The following TRAPPC9 variants were observed in gnomAD, a reference collection of about 807,000 sequenced individuals.
TRAPPC9 encodes the protein IKK2 binding protein.
TRAPPC9 carries 83 observed loss-of-function variants against 124.0 expected under a neutral mutation model. The ratio of observed to expected loss-of-function variants is 0.67; its 90% CI spans 0.56 to 0.80. The LOEUF is 0.80. Among genes scored for constraint, TRAPPC9 ranks in the 30% least tolerant of loss-of-function variants. The pLI is 0.00. For missense variants in TRAPPC9, 1,302 were observed against 1,508.3 expected (o/e 0.86, Z 2.27); for synonymous variants, 638 against 617.5 (o/e 1.03, Z -0.49).
intron 21 of TRAPPC9, among the ~76,000 whole-genome samples, chr8:139,868,308 A>G (rs527996056): frequency 1.3e-5 from 2 of 152,308 alleles, no homozygotes; most frequent in East Asian, 3.9e-4. Flanking sequence ...GTGAGCCAAG[A>G]TTGCGCCACT....
chr8:140,113,370 G>A (rs2060818375), intron 17 of TRAPPC9, among the ~76,000 whole-genome samples: 1 of 152,246 alleles, frequency 6.6e-6, no homozygotes, highest in Non-Finnish European at 1.5e-5. Flanking sequence ...TCCAGAAGCA[G>A]GCAGCACACA....
intron 9 of TRAPPC9, among the ~76,000 whole-genome samples, chr8:140,345,948 C>T (rs559993218): frequency 2.0e-5 from 3 of 152,226 alleles, no homozygotes; most frequent in South Asian, 2.1e-4. Context: ...CCGGGGAGAC[C>T]GAGAGACAGC....
chr8:139,808,993 T>C (rs1165923477), intron 21 of TRAPPC9, among the ~76,000 whole-genome samples: 1 of 152,242 alleles, frequency 6.6e-6, no homozygotes. Context: ...GGAGTGGATG[T>C]GCCTGACTCC....
intron 21 of TRAPPC9, chr8:139,881,032 T>C (rs1829647685): frequency 6.6e-6 from 1 of 152,254 alleles, no homozygotes; most frequent in Admixed American, 6.5e-5. Flanking sequence ...TATATTCGCA[T>C]TATTTGCCAA....
intron 17 of TRAPPC9, among the ~76,000 whole-genome samples, chr8:140,146,483 T>C (rs1400512957): frequency 6.6e-6 from 1 of 152,230 alleles, no homozygotes. Flanking sequence ...GGGAGGGTGG[T>C]ATATGCATGT....
At chr8:140,082,828 A>T (rs1843919724) in intron 17 of TRAPPC9, among the ~76,000 whole-genome samples, 1 of 152,172 alleles carries the variant, frequency 6.6e-6, no homozygotes, top group South Asian at 2.1e-4. Flanking sequence ...GCATCCTCAA[A>T]CTCAGCTGGT....
chr8:140,033,660 T>G (rs907162879), intron 17 of TRAPPC9, among the ~76,000 whole-genome samples: 491 of 21,684 alleles, frequency 0.023, 3 homozygotes, highest in African/African-American at 0.16. Flanking sequence ...ATAATGTGGT[T>G]TTTTTTTTTT....
At chr8:139,799,445 G>A (rs1415930905) in intron 21 of TRAPPC9, among the ~76,000 whole-genome samples, 1 of 152,204 alleles carries the variant, frequency 6.6e-6, no homozygotes, top group African/African-American at 2.4e-5. Context: ...GGATAACCCT[G>A]TAGACACATG....
intron 17 of TRAPPC9, among the ~76,000 whole-genome samples, chr8:140,138,072 G>A (rs1048416390): frequency 2.0e-5 from 3 of 152,194 alleles, no homozygotes; most frequent in Non-Finnish European, 1.5e-5. Context: ...AGGCAGAGAT[G>A]GGTGAATCAC....
At position 140,360,192 on chromosome 8, in the gene TRAPPC9, G is replaced by T. The variant is rs145333904; in HGVS notation, c.1353C>A (p.Gly451=). ...LSLDPKDFSR[G]THRGWAAVQM... is the part of the protein sequence containing the mutation. ...GGACCGCAGCCCAGCCTCTGTGCGT[G>T]CCTGCGATGGAAGTTACAAAACATC... The change falls in exon 9 of 23, where the codon GGC becomes GGA. Residue 451 remains glycine, a splice_region_variant and synonymous_variant. Coordinates refer to ENST00000438773, the MANE Select transcript of TRAPPC9 (RefSeq NM_001160372.4). The T allele has an allele frequency of 2.5e-6, 4 of 1,614,052 alleles. No homozygotes were observed. Among genetic ancestry groups the T allele is most frequent in the Non-Finnish European group, 3.4e-6 (4 of 1,180,024 alleles).
intron 19 of TRAPPC9, among the ~76,000 whole-genome samples, chr8:139,924,858 A>G (rs559719528): frequency 6.6e-6 from 1 of 152,312 alleles, no homozygotes; most frequent in Non-Finnish European, 1.5e-5. Context: ...CTAGAACTCA[A>G]GGGCTCATTA....
chr8:139,964,822 A>G (rs1183542649), intron 19 of TRAPPC9, among the ~76,000 whole-genome samples: 5 of 152,192 alleles, frequency 3.3e-5, no homozygotes, highest in Non-Finnish European at 7.3e-5. Flanking sequence ...CTAAAGTACT[A>G]TTCCCACCAA....
chr8:140,220,864 G>C (rs2063323794), intron 17 of TRAPPC9, among the ~76,000 whole-genome samples: 1 of 152,158 alleles, frequency 6.6e-6, no homozygotes, highest in African/African-American at 2.4e-5. Context: ...AGGCCCTGCA[G>C]TCCTCCTGCT....
chr8:139,903,197 C>T (rs1831128769), intron 20 of TRAPPC9, among the ~76,000 whole-genome samples: 1 of 152,202 alleles, frequency 6.6e-6, no homozygotes, highest in Non-Finnish European at 1.5e-5. Flanking sequence ...CATTTGTCCT[C>T]CGCATTTCAC....
chr8:140,097,807 T>C lies in TRAPPC9; in HGVS notation c.2557-73728A>G. 6.6e-6 allele frequency: 1 copy of C among 152,132 alleles called. No individual in the cohort carries two copies. The highest frequency in any genetic ancestry group is 1.5e-5 in the Non-Finnish European group (1 of 68,018). 9.4% of individuals were successfully genotyped at this position (152,132 alleles called of 1,614,324 possible). On this transcript the variant is annotated intron_variant, in intron 17 of 22. Coordinates refer to ENST00000438773, the MANE Select transcript of TRAPPC9 (RefSeq NM_001160372.4). The surrounding 1 kb of genome is among the most constrained non-coding windows in gnomAD (Gnocchi z 4.2). ...TACGCAGTCGCAGCTGTGCCGCTGC[T>C]CCCAGGGTCATGACGCCTACCCAGG...
chr8:139,916,097 T>C (rs139091467), intron 19 of TRAPPC9, among the ~76,000 whole-genome samples: 5 of 152,334 alleles, frequency 3.3e-5, no homozygotes, highest in African/African-American at 9.6e-5. Context: ...TACAGGCCTA[T>C]AAAACACACA....
intron 1 of TRAPPC9, among the ~76,000 whole-genome samples, chr8:140,453,187 G>A (rs977651319): frequency 2.0e-5 from 3 of 152,162 alleles, no homozygotes; most frequent in Non-Finnish European, 2.9e-5. Context: ...GTCCCCATCA[G>A]TGGGCTGACA....
intron 21 of TRAPPC9, among the ~76,000 whole-genome samples, chr8:139,768,984 C>T (rs916826120): frequency 6.6e-6 from 1 of 152,192 alleles, no homozygotes; most frequent in Admixed American, 6.5e-5. Flanking sequence ...CGTCTACAGG[C>T]CAAGGAGCGA....
intron 13 of TRAPPC9, among the ~76,000 whole-genome samples, chr8:140,286,854 C>T (rs1362093678): frequency 6.6e-6 from 1 of 152,040 alleles, no homozygotes; most frequent in Admixed American, 6.6e-5. Context: ...GGTGGGATCA[C>T]CTAAGGTAGC....
Sources: allele counts gnomAD v4.1 joint callset (sites outside exome capture counted in the v4.1 genomes callset), GRCh38; gene constraint gnomAD v4.1.1; non-coding constraint Gnocchi (gnomAD v3.1); transcripts MANE v1.5; gene names NCBI Gene and HGNC (gene_info 2026-07-23, HGNC 2026-07-21).